REV1: variants seen among roughly 807,000 people sequenced by gnomAD.
REV1 encodes the protein translesion synthesis protein REV1.
A neutral mutation model predicts 137.4 loss-of-function variants in REV1; 42 were observed. The ratio of observed to expected loss-of-function variants is 0.31; its 90% confidence interval spans 0.24 to 0.40. The LOEUF is 0.40. Among genes scored for constraint, REV1 ranks in the 10% least tolerant of loss-of-function variants. The pLI, the probability that REV1 is intolerant of heterozygous loss-of-function variation, is 1.00. For missense variants in REV1, 1,282 were observed against 1,490.1 expected (o/e 0.86, Z 2.30); for synonymous variants, 524 against 519.2 (o/e 1.01, Z -0.12).
At chr2:99,424,402 TTAGGG>T in intron 9 of REV1, 122 bp from the exon 10 acceptor site, 1 of 1,050,044 alleles carries the variant, frequency 9.5e-7, no homozygotes, top group Non-Finnish European at 1.4e-6. Context: ...TCCATTCTCA[TTAGGG>T]ATTAAAGATA....
intron 1 of REV1, among the ~76,000 whole-genome samples, chr2:99,472,913 G>T (rs755871355): frequency 3.3e-5 from 5 of 152,186 alleles, no homozygotes; most frequent in Admixed American, 6.5e-5. Flanking sequence ...TAAAAATACA[G>T]CTGTTTGTGG....
At chr2:99,434,287 G>T in intron 8 of REV1, 45 bp downstream of exon 8, 1 of 1,283,676 alleles carries the variant, frequency 7.8e-7, no homozygotes, top group Non-Finnish European at 1.1e-6. Context: ...AAATCCAGAA[G>T]CCATCCACAG....
intron 1 of REV1, among the ~76,000 whole-genome samples, chr2:99,465,448 T>C (rs555083812): frequency 6.6e-6 from 1 of 152,332 alleles, no homozygotes; most frequent in African/African-American, 2.4e-5. Context: ...GATTCACATA[T>C]TCTGCCAAAG....
intron 3 of REV1, 21 bp downstream of exon 3, chr2:99,462,475 G>A (rs1343173151): frequency 1.9e-6 from 3 of 1,584,634 alleles, no homozygotes; most frequent in East Asian, 2.2e-5. Flanking sequence ...CCAAAATAGG[G>A]TTAAGTAAAA....
intron 1 of REV1, among the ~76,000 whole-genome samples, chr2:99,474,345 G>A (rs938224645): frequency 2.0e-5 from 3 of 152,126 alleles, no homozygotes; most frequent in Admixed American, 6.6e-5. Flanking sequence ...CTGGCTTGTG[G>A]TACAAAATCA....
At position 99,428,884 on chromosome 2, in the gene REV1, C is replaced by T. The variant is rs566099674; in HGVS notation, c.1547+956G>A. 7.3e-5 allele frequency among the ~76,000 whole-genome samples: 11 copies of T among 149,706 alleles called. No homozygotes were observed. In the East Asian group the frequency reaches 8.0e-4, roughly 11 times the overall value. ...GCGAGCACCTGTAGTCCCAGCTACT[C>T]GGGAGGCTGAGGCAGGAGAATGGCA... On this transcript the variant is annotated intron_variant, in intron 9 of 22. Transcript: ENST00000258428.
chr2:99,422,659 G>A (rs1321941912), intron 10 of REV1, among the ~76,000 whole-genome samples: 1 of 152,174 alleles, frequency 6.6e-6, no homozygotes, highest in African/African-American at 2.4e-5. Context: ...ATATGAAGCT[G>A]AGATAGGATT....
At chr2:99,405,698 G>C in intron 17 of REV1, 1 of 399,258 alleles carries the variant, frequency 2.5e-6, no homozygotes, top group Non-Finnish European at 4.4e-6. Context: ...ACTTGCAAGA[G>C]TGGCAAATCT....
chr2:99,414,672 T>C (rs1334256351), intron 12 of REV1, among the ~76,000 whole-genome samples: 1 of 152,240 alleles, frequency 6.6e-6, no homozygotes, highest in African/African-American at 2.4e-5. Context: ...TTTTTTGTCA[T>C]AAGACTTCTT....
In REV1 at chr2:99,403,797, C is replaced by T; in HGVS notation, c.3064G>A (p.Ala1022Thr). ...CTCTGAAGTTCAGCAGGAAGGGCAG[C>T]AAATACCTCAGGGTCCACCTAGTGG... ...AFSQVDPEVF[A>T]ALPAELQREL... The change falls in exon 19 of 23, where the codon GCT becomes ACT. Residue 1022 changes from alanine (A) to threonine (T), a missense_variant. Ala to Thr is a moderately conservative substitution (Grantham distance 58). Around this residue, in one of 7 missense-constraint regions of REV1, gnomAD observed 23 missense variants for 46.3 expected, o/e 0.50. Transcript: ENST00000258428. 6.2e-7 allele frequency: 1 copy of T among 1,614,162 alleles called. No homozygotes were observed. The highest frequency in any genetic ancestry group is 8.5e-7 in the Non-Finnish European group (1 of 1,180,034).
chr2:99,466,034 C>T (rs984431212), intron 1 of REV1, among the ~76,000 whole-genome samples: 5 of 152,062 alleles, frequency 3.3e-5, no homozygotes, highest in South Asian at 2.1e-4. Flanking sequence ...CTCCGCCTCC[C>T]GGGTTCACAC....
In REV1 at chr2:99,487,324, A is replaced by C. The variant is rs1453274444; in HGVS notation, c.-11+2493T>G. 3.8e-5 allele frequency among the ~76,000 whole-genome samples: 2 copies of C among 52,926 alleles called. 1 individual carries two copies. Among genetic ancestry groups the C allele is most frequent in the African/African-American group, 1.3e-4 (2 of 15,618 alleles). 34.7% of individuals were successfully genotyped at this position (52,926 alleles called of 152,430 possible). On this transcript the variant is annotated intron_variant, in intron 1 of 22. Transcript: ENST00000258428. ...TGCTTTTAGAGGACACTAAGCAAGA[A>C]AGTGACAATCTGATTTACATTTTTA...
At chr2:99,460,601 T>C (rs1296297393) in intron 3 of REV1, among the ~76,000 whole-genome samples, 1 of 152,208 alleles carries the variant, frequency 6.6e-6, no homozygotes, top group Non-Finnish European at 1.5e-5. Flanking sequence ...TATTTTTACT[T>C]GCTAATTGTT....
chr2:99,429,310 A>G (rs1371842748), intron 9 of REV1, among the ~76,000 whole-genome samples: 1 of 152,172 alleles, frequency 6.6e-6, no homozygotes, highest in Non-Finnish European at 1.5e-5. Context: ...ACTATAAGAT[A>G]AAGACCTATA....
Position 99,402,912 on chromosome 2 carries a change from C to G in REV1, c.3361G>C (p.Gly1121Arg), listed in dbSNP as rs1190636908. The change falls in exon 20 of 23, where the codon GGA (glycine) becomes CGA (arginine). Residue 1121 changes from glycine (G) to arginine (R), a missense_variant. Physicochemically the swap from Gly to Arg is moderately radical, Grantham distance 125. This residue lies in a region of REV1 where 170 missense variants were observed against 156.8 expected (regional missense o/e 1.08). Coordinates refer to ENST00000258428, the MANE Select transcript of REV1 (RefSeq NM_016316.4). ...KLIDGFLKHE[G>R]PPAEKPLEEL... ...ACCAGGGGTTTCTCTGCAGGAGGTC[C>G]TTCATGTTTTAGAAACCCATCAATT... is the stretch of plus-strand genomic sequence containing the variant. 6.2e-7 allele frequency: 1 copy of G among 1,613,870 alleles called. No homozygotes were observed. The highest frequency in any genetic ancestry group is 8.5e-7 in the Non-Finnish European group (1 of 1,179,986).
chr2:99,448,631 T>A (rs1682519386), intron 4 of REV1, among the ~76,000 whole-genome samples: 1 of 152,254 alleles, frequency 6.6e-6, no homozygotes, highest in African/African-American at 2.4e-5. Flanking sequence ...CAACATGGTA[T>A]AATGTACTCA....
rs369207234 is a variant in REV1 at position 99,429,825 on chromosome 2, A to C, written c.1547+15T>G. The C allele has an allele frequency of 1.4e-6, 2 of 1,440,618 alleles. No individual in the cohort carries two copies. Among genetic ancestry groups the C allele is most frequent in the Admixed American group, 4.4e-5 (2 of 45,118 alleles). The allele number at this position is 1,440,618 out of a possible 1,614,324, so 89.2% of individuals were successfully genotyped here. A position where few individuals can be genotyped will look rare whatever the true frequency, so the allele number is the denominator to read the frequency against. On this transcript the variant is annotated intron_variant, in intron 9 of 22. Coordinates refer to ENST00000258428, the MANE Select transcript of REV1 (RefSeq NM_016316.4). ...AATTATTCATTAAGAATTGTAACAC[A>C]CAACTTCTACATACCTGGCCTCATA...
rs140159543 is a variant in REV1 at position 99,423,124 on chromosome 2, G to A, written c.1676+1028C>T. Among the ~76,000 whole-genome samples, 113 of 152,276 alleles carry A rather than the reference G, an allele frequency of 7.4e-4. 1 individual carries two copies. The highest frequency in any genetic ancestry group is 2.6e-3 in the African/African-American group (107 of 41,566). On this transcript the variant is annotated intron_variant, in intron 10 of 22. Coordinates refer to ENST00000258428, the MANE Select transcript of REV1 (RefSeq NM_016316.4). The stretch of plus-strand genomic sequence containing the variant: ...ACTCACTCCTACATAATGACGCCAG[G>A]AAATAATCAGTTCCTTCACATTTTC...
At chr2:99,409,697 C>T (rs1313178218) in intron 14 of REV1, among the ~76,000 whole-genome samples, 2 of 151,762 alleles carry the variant, frequency 1.3e-5, no homozygotes, top group African/African-American at 4.8e-5. Flanking sequence ...TACAAAAATT[C>T]GCTGGGCATG....
Sources: allele counts gnomAD v4.1 joint callset (sites outside exome capture counted in the v4.1 genomes callset), GRCh38; gene constraint gnomAD v4.1.1; regional missense constraint gnomAD v4.1.1; transcripts MANE v1.5; gene names NCBI Gene and HGNC (gene_info 2026-07-23, HGNC 2026-07-21).